Variants in NXPE4 observed in about 807,000 individuals in gnomAD.
The protein encoded by NXPE4 is NXPE family member 4.
A neutral mutation model predicts 33.3 loss-of-function variants in NXPE4; 42 were observed. The observed-to-expected ratio is 1.26, with a 90% CI of 0.98 to 1.63. The LOEUF (loss-of-function observed/expected upper bound fraction) is 1.63. NXPE4 is among the 40% of genes most tolerant of loss of function. The probability of loss-of-function intolerance (pLI) is 0.00; values close to 1 mark genes in which losing one functional copy is unlikely to be tolerated. For synonymous variants in NXPE4, 253 were observed against 234.9 expected (o/e 1.08, Z -0.71); for missense variants, 709 against 647.6 (o/e 1.09, Z -1.03).
the NXPE4 span, among the ~76,000 whole-genome samples, chr11:114,625,844 G>C: frequency 6.6e-6 from 1 of 152,148 alleles, no homozygotes; most frequent in Non-Finnish European, 1.5e-5. Flanking sequence ...GAAGCATGGT[G>C]AGGCATTGCC....
the NXPE4 span, among the ~76,000 whole-genome samples, chr11:114,639,695 T>C: frequency 7.3e-6 from 1 of 137,842 alleles, no homozygotes; most frequent in Non-Finnish European, 1.5e-5. Flanking sequence ...GTATCTATTC[T>C]ATAATATATT....
At chr11:114,640,513 G>A in the NXPE4 span, among the ~76,000 whole-genome samples, 1 of 151,606 alleles carries the variant, frequency 6.6e-6, no homozygotes, top group East Asian at 1.9e-4. Flanking sequence ...TCTAATTATA[G>A]TTCTTTGAGA....
the NXPE4 span, among the ~76,000 whole-genome samples, chr11:114,645,530 T>A: frequency 6.6e-6 from 1 of 152,264 alleles, no homozygotes; most frequent in Non-Finnish European, 1.5e-5. Context: ...TGTTGATAAA[T>A]TTAACTATAT....
At chr11:114,661,834 G>C in the NXPE4 span, among the ~76,000 whole-genome samples, 1 of 152,228 alleles carries the variant, frequency 6.6e-6, no homozygotes, top group Middle Eastern at 3.4e-3. Flanking sequence ...CACAGAGGTT[G>C]ACAGAAAAAA....
chr11:114,650,580 T>C, the NXPE4 span, among the ~76,000 whole-genome samples: 2 of 151,856 alleles, frequency 1.3e-5, no homozygotes, highest in Non-Finnish European at 2.9e-5. Context: ...TGAGAAAAAA[T>C]CTACACTGCA....
the NXPE4 span, among the ~76,000 whole-genome samples, chr11:114,677,140 G>T: frequency 3.3e-5 from 5 of 152,060 alleles, no homozygotes; most frequent in Admixed American, 6.6e-5. Context: ...AATAGGGGAT[G>T]TTGGTCAGAA....
the NXPE4 span, among the ~76,000 whole-genome samples, chr11:114,661,583 T>C: frequency 6.6e-6 from 1 of 152,226 alleles, no homozygotes; most frequent in African/African-American, 2.4e-5. Flanking sequence ...ACAAGCATTG[T>C]AGAACATCCC....
At chr11:114,578,639 C>T (rs1048737763) in intron 5 of NXPE4, among the ~76,000 whole-genome samples, 1 of 152,138 alleles carries the variant, frequency 6.6e-6, no homozygotes, top group African/African-American at 2.4e-5. Flanking sequence ...TGAGTGGCCT[C>T]ATTTTAGGAA....
the NXPE4 span, among the ~76,000 whole-genome samples, chr11:114,604,319 A>G: frequency 5.9e-5 from 9 of 152,144 alleles, no homozygotes; most frequent in East Asian, 9.7e-4. Flanking sequence ...TACCCTGTGG[A>G]AAATAAGTGT....
chr11:114,577,944 CATTT>C (rs1949052696), intron 5 of NXPE4, among the ~76,000 whole-genome samples: 2 of 152,074 alleles, frequency 1.3e-5, no homozygotes, highest in South Asian at 4.1e-4. Flanking sequence ...ATATACAAAG[CATTT>C]ATTTGGACTG....
the NXPE4 span, among the ~76,000 whole-genome samples, chr11:114,639,255 A>G: frequency 2.6e-5 from 4 of 151,268 alleles, no homozygotes; most frequent in African/African-American, 9.7e-5. Context: ...CTCTGTGGGC[A>G]TAGGACCCTC....
At chr11:114,619,093 C>T in the NXPE4 span, among the ~76,000 whole-genome samples, 2 of 152,004 alleles carry the variant, frequency 1.3e-5, no homozygotes, top group African/African-American at 4.8e-5. Flanking sequence ...CATGGGTAAC[C>T]ACTGTTGCAC....
At chr11:114,665,764 C>A in the NXPE4 span, among the ~76,000 whole-genome samples, 1 of 152,114 alleles carries the variant, frequency 6.6e-6, no homozygotes, top group Non-Finnish European at 1.5e-5. Context: ...TGGAGAAGGG[C>A]TAAGACTGTG....
chr11:114,589,186 G>A (rs192847722), intron 2 of NXPE4, among the ~76,000 whole-genome samples: 199 of 152,244 alleles, frequency 1.3e-3, no homozygotes, highest in African/African-American at 4.6e-3. Context: ...GACCACTGGT[G>A]ATCAGACTGC....
the NXPE4 span, among the ~76,000 whole-genome samples, chr11:114,601,697 TAA>T: frequency 4.1e-5 from 3 of 73,030 alleles, no homozygotes; most frequent in East Asian, 4.5e-4. Flanking sequence ...TATATATTTA[TAA>T]TTCTTTATAT....
the NXPE4 span, among the ~76,000 whole-genome samples, chr11:114,618,222 G>A: frequency 4.0e-5 from 6 of 151,738 alleles, no homozygotes; most frequent in Non-Finnish European, 8.8e-5. Context: ...ACTGTTACCC[G>A]GAGGATAATA....
chr11:114,601,769 ATAT>A, the NXPE4 span, among the ~76,000 whole-genome samples: 235 of 73,352 alleles, frequency 3.2e-3, 10 homozygotes, highest in African/African-American at 0.012. Flanking sequence ...ATGTGATTAT[ATAT>A]TATAATTATA....
the NXPE4 span, among the ~76,000 whole-genome samples, chr11:114,618,363 T>C: frequency 6.6e-6 from 1 of 152,018 alleles, no homozygotes; most frequent in Admixed American, 6.6e-5. Flanking sequence ...ATAATAAGTG[T>C]TGCCTCATGG....
chr11:114,631,531 G>T, the NXPE4 span, among the ~76,000 whole-genome samples: 1 of 118,228 alleles, frequency 8.5e-6, no homozygotes, highest in African/African-American at 3.2e-5. Flanking sequence ...TGTGGGGTGG[G>T]GGGAGGGGGG....
Sources: allele counts gnomAD v4.1 joint callset (sites outside exome capture counted in the v4.1 genomes callset), GRCh38; gene constraint gnomAD v4.1.1; transcripts MANE v1.5; gene names NCBI Gene and HGNC (gene_info 2026-07-23, HGNC 2026-07-21).